CDH20: variants seen among roughly 807,000 people sequenced by gnomAD.
CDH20 encodes the protein cadherin-20.
Under a neutral mutation model 74.2 loss-of-function variants are expected in CDH20, and 29 were observed. The observed-to-expected ratio is 0.39, with a 90% CI of 0.29 to 0.53. The LOEUF (loss-of-function observed/expected upper bound fraction) is 0.53, where lower values mean the gene tolerates loss of function less well. Among genes scored for constraint, CDH20 ranks in the 20% least tolerant of loss-of-function variants. The pLI, the probability that CDH20 is intolerant of heterozygous loss-of-function variation, is 0.69. For missense variants in CDH20, 988 were observed against 1,048.3 expected, an observed-to-expected ratio of 0.94 and a Z score of 0.79; for synonymous variants, 469 against 405.4, an observed-to-expected ratio of 1.16 and a Z score of -1.88.
intron 1 of CDH20, among the ~76,000 whole-genome samples, chr18:61,375,775 A>AT (rs371455682): frequency 1.3e-5 from 2 of 151,814 alleles, no homozygotes; most frequent in African/African-American, 2.4e-5. Flanking sequence ...CTGCCCTTAA[A>AT]TTTTTTTTCT....
rs572788563 is a variant in CDH20 at position 61,500,993 on chromosome 18, G to T, written c.661+491G>T. ...ACTAAAGTTCATCTAGTGTAGAGAGGTCTCTTGACATGTGGTCTGATGTTC... is the reference window on the plus strand; with the variant it reads ...ACTAAAGTTCATCTAGTGTAGAGAGTTCTCTTGACATGTGGTCTGATGTTC... On this transcript the variant is annotated intron_variant, in intron 4 of 11. Coordinates refer to ENST00000262717, the MANE Select transcript of CDH20 (RefSeq NM_031891.4). 2.0e-5 allele frequency among the ~76,000 whole-genome samples: 3 copies of T among 152,250 alleles called. No homozygotes were observed. The South Asian group carries it at 6.2e-4, about 32-fold the overall frequency.
chr18:61,436,950 C>T (rs79215514), intron 1 of CDH20, among the ~76,000 whole-genome samples: 2,677 of 152,074 alleles, frequency 0.018, 70 homozygotes, highest in African/African-American at 0.059. Context: ...GTTTCCTTTG[C>T]GTGTAAATGA....
At chr18:61,393,517 G>C (rs1911861997) in intron 1 of CDH20, among the ~76,000 whole-genome samples, 1 of 152,166 alleles carries the variant, frequency 6.6e-6, no homozygotes, top group Admixed American at 6.6e-5. Context: ...AGTGGTTCAA[G>C]GTGGCTAATG....
intron 1 of CDH20, among the ~76,000 whole-genome samples, chr18:61,439,186 C>A (rs1214715504): frequency 6.6e-6 from 1 of 151,972 alleles, no homozygotes. Flanking sequence ...TCAATTGTAC[C>A]CCAAGCCTCA....
At chr18:61,421,413 T>C (rs1912874522) in intron 1 of CDH20, among the ~76,000 whole-genome samples, 1 of 152,200 alleles carries the variant, frequency 6.6e-6, no homozygotes, top group Admixed American at 6.5e-5. Flanking sequence ...ACTCCTACTT[T>C]ATATTCCAAA....
At chr18:61,441,944 G>A (rs1051709141) in intron 1 of CDH20, among the ~76,000 whole-genome samples, 1 of 152,040 alleles carries the variant, frequency 6.6e-6, no homozygotes, top group Admixed American at 6.6e-5. Context: ...TGAATCAGTT[G>A]GCTTTAGATT....
intron 1 of CDH20, among the ~76,000 whole-genome samples, chr18:61,347,981 A>G (rs966061526): frequency 3.3e-5 from 5 of 152,200 alleles, no homozygotes; most frequent in African/African-American, 1.2e-4. Flanking sequence ...AATTATAGCA[A>G]TAAAGATAAT....
chr18:61,543,168 C>T (rs1913101055), intron 9 of CDH20, among the ~76,000 whole-genome samples: 1 of 152,184 alleles, frequency 6.6e-6, no homozygotes, highest in African/African-American at 2.4e-5. Context: ...GCTCCCCCTA[C>T]CACCACCCCC....
At chr18:61,357,433 C>T (rs984057540) in intron 1 of CDH20, among the ~76,000 whole-genome samples, 7 of 152,102 alleles carry the variant, frequency 4.6e-5, no homozygotes, top group African/African-American at 1.7e-4. Flanking sequence ...TAGAGGTTGA[C>T]AGTACAGGGC....
At chr18:61,403,137 G>C (rs1912211471) in intron 1 of CDH20, among the ~76,000 whole-genome samples, 1 of 152,010 alleles carries the variant, frequency 6.6e-6, no homozygotes, top group Admixed American at 6.6e-5. Context: ...CCTTCCTCCT[G>C]GCCATCAATT....
At chr18:61,439,024 T>A (rs1193202463) in intron 1 of CDH20, among the ~76,000 whole-genome samples, 1 of 152,108 alleles carries the variant, frequency 6.6e-6, no homozygotes, top group Non-Finnish European at 1.5e-5. Context: ...ATACTGCATG[T>A]TCTCACAAGT....
At position 61,507,386 on chromosome 18, in the gene CDH20, G is replaced by A. The variant is rs1353255956; in HGVS notation, c.843G>A (p.Met281Ile). Residue 281 changes from methionine to isoleucine, a missense_variant, in exon 6 of 12, where the codon ATG (methionine) becomes ATA (isoleucine). Met to Ile is a conservative substitution (Grantham distance 10, BLOSUM62 1). Around this residue, in one of 2 missense-constraint regions of CDH20, gnomAD observed 613 missense variants for 755.2 expected, o/e 0.81. Coordinates refer to ENST00000262717, the MANE Select transcript of CDH20 (RefSeq NM_031891.4). ...TTTTCTTCGTAGAACATTACCAGAT[G>A]AGTGTGTTGGAATCAGCTCCAATTA... is the stretch of plus-strand genomic sequence containing the variant. ...PPRFPQKHYQ[M>I]SVLESAPISS... is the part of the protein sequence containing the mutation. 3.1e-6 allele frequency: 5 copies of A among 1,613,412 alleles called. No homozygotes were observed. Among genetic ancestry groups the A allele is most frequent in the Non-Finnish European group, 4.2e-6 (5 of 1,179,802 alleles).
chr18:61,346,767 T>A (rs1599027716), intron 1 of CDH20, among the ~76,000 whole-genome samples: 1 of 152,096 alleles, frequency 6.6e-6, no homozygotes, highest in Admixed American at 6.6e-5. Flanking sequence ...TACAGTTGAG[T>A]AGGTGAGTGA....
chr18:61,515,688 C>G (rs1292561200), intron 6 of CDH20, among the ~76,000 whole-genome samples: 1 of 147,312 alleles, frequency 6.8e-6, no homozygotes, highest in African/African-American at 2.5e-5. Context: ...AACAAAAAAC[C>G]AAACACTGCA....
Position 61,394,675 on chromosome 18 carries a change from G to A in CDH20, c.-153+60848G>A, listed in dbSNP as rs561826580. Among the ~76,000 whole-genome samples the A allele has an allele frequency of 3.5e-4, 53 of 152,184 alleles. 1 individual carries two copies. The highest frequency in any genetic ancestry group is 1.2e-3 in the African/African-American group (51 of 41,524). On this transcript the variant is annotated intron_variant, in intron 1 of 11. Transcript: ENST00000262717. ...CCATCTGTGGTACTTTGTTACTGCA[G>A]CTCTAGGAAGGAATATGCTCACTGC... is the stretch of plus-strand genomic sequence containing the variant.
intron 1 of CDH20, among the ~76,000 whole-genome samples, chr18:61,413,777 C>G (rs952140848): frequency 2.0e-5 from 3 of 151,852 alleles, no homozygotes; most frequent in African/African-American, 4.8e-5. Context: ...TTTCAATTTC[C>G]TAGGAAAAAC....
chr18:61,423,007 G>T (rs1912938189), intron 1 of CDH20, among the ~76,000 whole-genome samples: 1 of 152,168 alleles, frequency 6.6e-6, no homozygotes, highest in Admixed American at 6.5e-5. Context: ...GTGGGTAGAT[G>T]AATGATTTAG....
intron 1 of CDH20, among the ~76,000 whole-genome samples, chr18:61,346,246 A>C (rs1910111742): frequency 6.6e-6 from 1 of 152,228 alleles, no homozygotes; most frequent in Admixed American, 6.5e-5. Flanking sequence ...TTTCTATTAC[A>C]ATATGCAGTC....
chr18:61,508,812 A>G (rs1599134826), intron 6 of CDH20, among the ~76,000 whole-genome samples: 1 of 152,042 alleles, frequency 6.6e-6, no homozygotes, highest in East Asian at 1.9e-4. Flanking sequence ...AACTTTTTGT[A>G]TTTTAGTAGA....
Sources: gnomAD v4.1 joint callset for allele counts (sites outside exome capture counted in the v4.1 genomes callset) on GRCh38, gnomAD v4.1.1 for gene constraint, gnomAD v4.1.1 regional missense constraint, MANE v1.5 for transcripts, NCBI Gene and HGNC (gene_info 2026-07-23, HGNC 2026-07-21) for gene names.